The following OPRM1 variants were observed in gnomAD, a reference collection of about 807,000 sequenced individuals.
The protein encoded by OPRM1 is mu-type opioid receptor.
In OPRM1, 27 loss-of-function variants were observed where a neutral mutation model predicts 31.8. The ratio of observed to expected loss-of-function variants is 0.85; its 90% CI spans 0.63 to 1.17. OPRM1 has a LOEUF of 1.17. Among genes scored for constraint, OPRM1 ranks in the 50% most tolerant of loss-of-function variants. The pLI is 0.00. For missense variants in OPRM1, 536 were observed against 511.1 expected (o/e 1.05, Z -0.47); for synonymous variants, 196 against 189.9 (o/e 1.03, Z -0.26).
chr6:154,112,940 C>T (rs1404092901), intron 3 of OPRM1, among the ~76,000 whole-genome samples: 1 of 152,138 alleles, frequency 6.6e-6, no homozygotes, highest in African/African-American at 2.4e-5. Flanking sequence ...GATCCCCGAC[C>T]CAATTAAATA....
chr6:154,167,257 C>CTT (rs1799513789), intron 3 of OPRM1, among the ~76,000 whole-genome samples: 1 of 152,224 alleles, frequency 6.6e-6, no homozygotes, highest in Non-Finnish European at 1.5e-5. Flanking sequence ...AAGCAGGACA[C>CTT]TTTTGTTATG....
intron 1 of OPRM1, among the ~76,000 whole-genome samples, chr6:154,026,252 A>T (rs909379895): frequency 3.3e-5 from 5 of 151,920 alleles, no homozygotes; most frequent in African/African-American, 9.7e-5. Flanking sequence ...TAAATATGTC[A>T]TGCCACTCTC....
rs1271742691 is a variant in OPRM1 at position 154,168,814 on chromosome 6, C to A, written c.1164+77342C>A. Among the ~76,000 whole-genome samples the A allele has an allele frequency of 6.6e-6, 1 of 151,664 alleles. No homozygotes were observed. Among genetic ancestry groups the A allele is most frequent in the African/African-American group, 2.4e-5 (1 of 41,166 alleles). On this transcript the variant is annotated intron_variant, in intron 3 of 3. Transcript: ENST00000337049. This position sits in a 1 kb window ranked among gnomAD's most constrained non-coding sequence, Gnocchi z 4.1. ...ACAGACAGGGTTTCACCATGTTGCC[C>A]AGGCTGGTCTTGAACTCCTGACTTT...
chr6:154,182,255 G>T (rs976936743), intron 3 of OPRM1, among the ~76,000 whole-genome samples: 1 of 152,032 alleles, frequency 6.6e-6, no homozygotes, highest in Non-Finnish European at 1.5e-5. Flanking sequence ...AGTCATGTAC[G>T]TATCTTCTTT....
rs57450665 is a variant in OPRM1, at chr6:154,219,985, A to AGTGTGTGT, written c.1165-26671_1165-26664dup. 4.1e-3 allele frequency among the ~76,000 whole-genome samples: 572 copies of AGTGTGTGT among 140,130 alleles called. 2 individuals are homozygous for AGTGTGTGT. Among genetic ancestry groups the AGTGTGTGT allele is most frequent in the African/African-American group, 0.013 (478 of 37,988 alleles). The allele number at this position is 140,130 out of a possible 152,430, so 91.9% of individuals were successfully genotyped here. A position where few individuals can be genotyped will look rare whatever the true frequency, so the allele number is the denominator to read the frequency against. The stretch of plus-strand genomic sequence containing the variant: ...CAGAGCTGAGCGGATACCTGTAAGG[A>AGTGTGTGT]GTGTGTGTGTGTGTGTGTGTGTGTG... On this transcript the variant is annotated intron_variant, in intron 3 of 3. Coordinates refer to the OPRM1 transcript ENST00000337049.
intron 3 of OPRM1, among the ~76,000 whole-genome samples, chr6:154,220,706 T>C (rs1046234658): frequency 1.3e-5 from 2 of 152,204 alleles, no homozygotes; most frequent in Non-Finnish European, 2.9e-5. Context: ...TTAGGAATGG[T>C]GTAGGGCAGG....
chr6:154,134,401 G>A (rs956927665), downstream of OPRM1, among the ~76,000 whole-genome samples: 2 of 152,160 alleles, frequency 1.3e-5, no homozygotes, highest in South Asian at 2.1e-4. Context: ...GCAGGAGGGT[G>A]CCCTCTCTGA....
chr6:154,126,554 A>C lies in OPRM1; in HGVS notation c.*7833A>C, dbSNP rs1167567247. The stretch of plus-strand genomic sequence containing the variant: ...CAGGAGCTGGGTTTCTGGGTTGCAG[A>C]AGTGCTTTTCATATTCTGTATCTGG... On this transcript the variant is annotated 3_prime_UTR_variant, in exon 4 of 4. Coordinates refer to ENST00000330432, the MANE Select transcript of OPRM1 (RefSeq NM_000914.5). 6.6e-6 allele frequency among the ~76,000 whole-genome samples: 1 copy of C among 152,140 alleles called. No individual in the cohort carries two copies. Among genetic ancestry groups the C allele is most frequent in the Non-Finnish European group, 1.5e-5 (1 of 68,024 alleles).
Position 154,056,085 on chromosome 6 carries a change from C to G in OPRM1, c.290+16251C>G, listed in dbSNP as rs1164250133. ...ATTCTCTAATCACAGTAAAATTGGT[C>G]AAATGATGGAGCTCTTTTCTTTTCT... On this transcript the variant is annotated intron_variant, in intron 1 of 3. Coordinates refer to ENST00000330432, the MANE Select transcript of OPRM1 (RefSeq NM_000914.5). Among the ~76,000 whole-genome samples the G allele has an allele frequency of 2.6e-5, 4 of 152,024 alleles. No individual in the cohort carries two copies. The South Asian group carries it at 6.2e-4, about 24-fold the overall frequency.
rs141753579 is a variant in OPRM1, at chr6:154,233,054, C to T, written c.1165-13639C>T. On this transcript the variant is annotated intron_variant, in intron 3 of 3. Coordinates refer to the OPRM1 transcript ENST00000337049. Reference sequence around the variant, plus strand: ...TGCAATCTCATCTCACTGCAACCTCCGCCTCCCGGGTTCAAGTGATTCTTC... The same window carrying T: ...TGCAATCTCATCTCACTGCAACCTCTGCCTCCCGGGTTCAAGTGATTCTTC... 2.6e-3 allele frequency among the ~76,000 whole-genome samples: 393 copies of T among 151,488 alleles called. 2 individuals carry two copies. The highest frequency in any genetic ancestry group is 9.1e-3 in the African/African-American group (376 of 41,300).
intron 3 of OPRM1, among the ~76,000 whole-genome samples, chr6:154,095,134 A>C (rs1471635340): frequency 2.0e-5 from 3 of 152,204 alleles, no homozygotes; most frequent in African/African-American, 7.2e-5. Context: ...TCTACTAAAA[A>C]TACAAAATTA....
chr6:154,220,509 G>A (rs1041374689), intron 3 of OPRM1, among the ~76,000 whole-genome samples: 2 of 152,100 alleles, frequency 1.3e-5, no homozygotes, highest in African/African-American at 4.8e-5. Context: ...AAATTAGCTG[G>A]GCATGGTGGT....
intron 3 of OPRM1, among the ~76,000 whole-genome samples, chr6:154,174,009 G>T (rs9478512): frequency 0.078 from 11,919 of 152,160 alleles, 624 homozygotes; most frequent in African/African-American, 0.14. Context: ...GAGAGTGGGG[G>T]CCAATATTCA....
At chr6:154,109,784 CTCTCTCTCTG>C (rs1209634453) in intron 3 of OPRM1, among the ~76,000 whole-genome samples, 3 of 121,526 alleles carry the variant, frequency 2.5e-5, no homozygotes, top group Non-Finnish European at 3.8e-5. Flanking sequence ...CTCTCTCTCT[CTCTCTCTCTG>C]TGTGTGTGTG....
intron 1 of OPRM1, among the ~76,000 whole-genome samples, chr6:154,028,268 A>C (rs912904173): frequency 7.9e-5 from 12 of 152,008 alleles, no homozygotes; most frequent in African/African-American, 1.4e-4. Flanking sequence ...GTGTCTAGAG[A>C]TGTCATCCAG....
intron 3 of OPRM1, among the ~76,000 whole-genome samples, chr6:154,187,854 G>C (rs1801522876): frequency 6.6e-6 from 1 of 152,142 alleles, no homozygotes; most frequent in Non-Finnish European, 1.5e-5. Context: ...ATAAAACAGA[G>C]GTGATGAAAA....
chr6:154,118,585 G>A (rs973463078), intron 3 of OPRM1, 98 bp from the exon 4 acceptor site: 1 of 1,090,532 alleles, frequency 9.2e-7, no homozygotes, highest in African/African-American at 1.6e-5. Flanking sequence ...ATACATGAAG[G>A]TCTTCAATGC....
intron 1 of OPRM1, among the ~76,000 whole-genome samples, chr6:154,084,894 A>G (rs1161123604): frequency 2.7e-5 from 4 of 150,368 alleles, no homozygotes; most frequent in African/African-American, 9.9e-5. Flanking sequence ...GTTGAGCAAT[A>G]TGAAGGCCAT....
Position 154,130,229 on chromosome 6 carries a change from C to T in OPRM1, c.*11508C>T, listed in dbSNP as rs541850365. Among the ~76,000 whole-genome samples, 1 of 145,914 alleles carries T rather than the reference C, an allele frequency of 6.9e-6. No homozygotes were observed. Among genetic ancestry groups the T allele is most frequent in the South Asian group, 2.1e-4 (1 of 4,668 alleles). ...TGTCGCCCAGGCTGGAGTGCAGTGG[C>T]TCAATCTTGGCTCACTGCAACCTCT... On this transcript the variant is annotated 3_prime_UTR_variant, in exon 4 of 4. Coordinates refer to ENST00000330432, the MANE Select transcript of OPRM1 (RefSeq NM_000914.5).
Sources: allele counts gnomAD v4.1 joint callset (sites outside exome capture counted in the v4.1 genomes callset), GRCh38; gene constraint gnomAD v4.1.1; non-coding constraint Gnocchi (gnomAD v3.1); transcripts MANE v1.5; gene names NCBI Gene and HGNC (gene_info 2026-07-23, HGNC 2026-07-21).